AP1M1: variants seen among roughly 807,000 people sequenced by gnomAD.
AP1M1 encodes the protein adaptor related protein complex 1 subunit mu 1.
Under a neutral mutation model 57.1 loss-of-function variants are expected in AP1M1, and 18 were observed. The observed-to-expected ratio is 0.32, with a 90% CI of 0.22 to 0.47. The LOEUF (loss-of-function observed/expected upper bound fraction) is 0.47, where lower values mean the gene tolerates loss of function less well. Among genes scored for constraint, AP1M1 ranks in the 20% least tolerant of loss-of-function variants. AP1M1 has a pLI of 1.00. For missense variants in AP1M1, 362 were observed against 593.5 expected (o/e 0.61, Z 4.05); for synonymous variants, 241 against 237.9 (o/e 1.01, Z -0.12).
At chr19:16,221,696 A>G (rs2091545086) in intron 5 of AP1M1, among the ~76,000 whole-genome samples, 1 of 152,244 alleles carries the variant, frequency 6.6e-6, no homozygotes, top group Non-Finnish European at 1.5e-5. Context: ...TTAAAGTACA[A>G]GGACATAGAA....
At chr19:16,231,533 G>A (rs56195296) in intron 9 of AP1M1, among the ~76,000 whole-genome samples, 15,912 of 151,916 alleles carry the variant, frequency 0.1, 1,054 homozygotes, top group East Asian at 0.34. Context: ...GGGTTCAAGC[G>A]ATTCTCCTGC....
chr19:16,200,868 G>A (rs941192962), intron 1 of AP1M1, among the ~76,000 whole-genome samples: 2 of 152,144 alleles, frequency 1.3e-5, no homozygotes, highest in African/African-American at 4.8e-5. Context: ...CCCTCCCCAG[G>A]GCTGTGGAGC....
rs941414306 is a variant in AP1M1, at chr19:16,207,205, C to T, written c.267+797C>T. On this transcript the variant is annotated intron_variant, in intron 3 of 11. Coordinates refer to ENST00000291439, the MANE Select transcript of AP1M1 (RefSeq NM_032493.4). The surrounding 1 kb of genome is among the most constrained non-coding windows in gnomAD (Gnocchi z 4.2). ...AGGACCCAGGAGGCCTGTGCTGGGC[C>T]TGGGAAAGCTTTCATCCCTCACTGA... Among the ~76,000 whole-genome samples, 1 of 152,128 alleles carries T rather than the reference C, an allele frequency of 6.6e-6. No individual in the cohort carries two copies. The highest frequency in any genetic ancestry group is 1.5e-5 in the Non-Finnish European group (1 of 68,028).
intron 5 of AP1M1, chr19:16,210,230 T>C: frequency 1.7e-6 from 1 of 588,502 alleles, no homozygotes; most frequent in South Asian, 2.3e-5. Flanking sequence ...TATTTATTTA[T>C]ATTTATTTTC....
At chr19:16,226,721 A>G (rs970202296) in intron 6 of AP1M1, 174 bp downstream of exon 6, 7 of 865,040 alleles carry the variant, frequency 8.1e-6, no homozygotes, top group East Asian at 2.8e-5. Context: ...TTCCCTGGAC[A>G]TAGAAGGTGC....
intron 1 of AP1M1, among the ~76,000 whole-genome samples, chr19:16,200,864 C>G (rs1420285748): frequency 6.6e-6 from 1 of 152,332 alleles, no homozygotes; most frequent in South Asian, 2.1e-4. Context: ...TCTGCCCTCC[C>G]CAGGGCTGTG....
rs756466184 is a variant in AP1M1, at chr19:16,198,093, T to C, written c.42+25T>C. On this transcript the variant is annotated intron_variant, in intron 1 of 11. Coordinates refer to ENST00000291439, the MANE Select transcript of AP1M1 (RefSeq NM_032493.4). ...GGTACTGAGGGCTCCCCACCCTCCC[T>C]GTTGCCAGGCAACCGGCAGGGGCCT... is the stretch of plus-strand genomic sequence containing the variant. 2.5e-6 allele frequency: 4 copies of C among 1,592,428 alleles called. No individual in the cohort carries two copies. The South Asian group carries it at 4.5e-5, about 18-fold the overall frequency.
Position 16,207,650 on chromosome 19 carries a change from T to C in AP1M1, c.268-369T>C, listed in dbSNP as rs757295824. The stretch of plus-strand genomic sequence containing the variant: ...AGATGCATCAAGCTTTCCACTGAAA[T>C]GGGGAAGATGGCAGCTCATCAGGTC... On this transcript the variant is annotated intron_variant, in intron 3 of 11. Coordinates refer to ENST00000291439, the MANE Select transcript of AP1M1 (RefSeq NM_032493.4). This position sits in a 1 kb window ranked among gnomAD's most constrained non-coding sequence, Gnocchi z 4.2. 6.6e-6 allele frequency among the ~76,000 whole-genome samples: 1 copy of C among 152,088 alleles called. No homozygotes were observed. The highest frequency in any genetic ancestry group is 1.5e-5 in the Non-Finnish European group (1 of 68,020).
chr19:16,214,356 C>CTTTTT (rs36058142), intron 5 of AP1M1, among the ~76,000 whole-genome samples: 1 of 131,980 alleles, frequency 7.6e-6, no homozygotes, highest in Non-Finnish European at 1.6e-5. Flanking sequence ...TGCACCCGGC[C>CTTTTT]TTTTTTTTTT....
intron 10 of AP1M1, among the ~76,000 whole-genome samples, 172 bp downstream of exon 10, chr19:16,233,790 C>T (rs1261264716): frequency 6.6e-6 from 1 of 152,126 alleles, no homozygotes; most frequent in African/African-American, 2.4e-5. Flanking sequence ...CTCTGCTCAG[C>T]CCTGACCCCT....
intron 5 of AP1M1, among the ~76,000 whole-genome samples, chr19:16,224,699 G>C (rs1002489556): frequency 6.6e-6 from 1 of 152,318 alleles, no homozygotes; most frequent in East Asian, 1.9e-4. Flanking sequence ...GACCTCATGT[G>C]TTCAGTTACA....
rs1408584961 is a variant in AP1M1, at chr19:16,203,276, C to T, written c.43-183C>T. On this transcript the variant is annotated intron_variant, in intron 1 of 11. Transcript: ENST00000291439. The surrounding 1 kb of genome is among the most constrained non-coding windows in gnomAD (Gnocchi z 4.6). ...GTGGGCATTCACACTGGGAGATGCT[C>T]TTCTCCAGGAATTCCCTGGGGGATG... is the stretch of plus-strand genomic sequence containing the variant. Among the ~76,000 whole-genome samples the T allele has an allele frequency of 6.6e-6, 1 of 152,216 alleles. No individual in the cohort carries two copies. Among genetic ancestry groups the T allele is most frequent in the Non-Finnish European group, 1.5e-5 (1 of 68,042 alleles).
chr19:16,224,947 C>T (rs1311444752), intron 5 of AP1M1, among the ~76,000 whole-genome samples: 5 of 151,870 alleles, frequency 3.3e-5, no homozygotes, highest in South Asian at 2.1e-4. Context: ...CGCAGCCCCA[C>T]GTGGCTTCCC....
rs755987562 is a variant in AP1M1, at chr19:16,234,445, G to T, written c.*10G>T. ...GCTCCGGACCCAGTGAGGGGCTGTC[G>T]CAGCCAACACCCCGGCCTCGGGGCT... On this transcript the variant is annotated 3_prime_UTR_variant, in exon 12 of 12. Coordinates refer to ENST00000291439, the MANE Select transcript of AP1M1 (RefSeq NM_032493.4). The T allele has an allele frequency of 6.2e-7, 1 of 1,613,552 alleles. No individual in the cohort carries two copies. The highest frequency in any genetic ancestry group is 1.7e-5 in the Admixed American group (1 of 60,016).
At chr19:16,229,404 G>A (rs1429464100) in intron 9 of AP1M1, among the ~76,000 whole-genome samples, 2 of 152,348 alleles carry the variant, frequency 1.3e-5, no homozygotes, top group East Asian at 3.9e-4. Context: ...GCTCTGCATC[G>A]GCGTGGCTTC....
intron 5 of AP1M1, among the ~76,000 whole-genome samples, chr19:16,223,997 G>A (rs1053378743): frequency 1.3e-5 from 2 of 152,210 alleles, no homozygotes; most frequent in Non-Finnish European, 2.9e-5. Flanking sequence ...TGGCAGTGCA[G>A]CATTGAGCAC....
intron 5 of AP1M1, among the ~76,000 whole-genome samples, chr19:16,222,599 G>GTTTGTT (rs1242650513): frequency 1.3e-5 from 2 of 151,386 alleles, no homozygotes; most frequent in Non-Finnish European, 1.5e-5. Context: ...TTCTCTTTTT[G>GTTTGTT]TTTGTTTTTG....
rs1671279338 is a variant in AP1M1, at chr19:16,241,442, T to C, written c.*7007T>C. ...AAAACCTTAGAAACCATTGGATCTG[T>C]CTAAACTGTCATTGACTGTGTAAAG... On this transcript the variant is annotated 3_prime_UTR_variant, in exon 12 of 12. Coordinates refer to ENST00000291439, the MANE Select transcript of AP1M1 (RefSeq NM_032493.4). 2.0e-5 allele frequency: 3 copies of C among 152,120 alleles called. No homozygotes were observed. The East Asian group carries it at 5.8e-4, about 29-fold the overall frequency. 9.4% of individuals were successfully genotyped at this position (152,120 alleles called of 1,614,324 possible).
intron 2 of AP1M1, among the ~76,000 whole-genome samples, chr19:16,204,716 G>A (rs972669464): frequency 1.1e-4 from 16 of 152,180 alleles, no homozygotes; most frequent in Non-Finnish European, 2.2e-4. Flanking sequence ...CTGGTGGCCG[G>A]TGTGCACATT....
Sources: allele counts gnomAD v4.1 joint callset (sites outside exome capture counted in the v4.1 genomes callset), GRCh38; gene constraint gnomAD v4.1.1; non-coding constraint Gnocchi (gnomAD v3.1); transcripts MANE v1.5; gene names NCBI Gene and HGNC (gene_info 2026-07-23, HGNC 2026-07-21).